SULF2: variants seen among roughly 807,000 people sequenced by gnomAD.
SULF2 encodes the protein extracellular sulfatase Sulf-2.
In SULF2, 52 loss-of-function variants were observed where a neutral mutation model predicts 107.7. The observed-to-expected ratio is 0.48, with a 90% confidence interval of 0.39 to 0.61. The LOEUF (loss-of-function observed/expected upper bound fraction) is 0.61, where lower values mean the gene tolerates loss of function less well. Ranked by LOEUF, SULF2 falls within the 20% of genes least tolerant of loss-of-function variation. SULF2 has a pLI of 0.00. For missense variants in SULF2, 993 were observed against 1,177.3 expected (o/e 0.84, Z 2.29); for synonymous variants, 460 against 464.3 (o/e 0.99, Z 0.12).
intron 11 of SULF2, among the ~76,000 whole-genome samples, chr20:47,670,775 G>T (rs1197987597): frequency 4.7e-5 from 7 of 150,248 alleles, no homozygotes; most frequent in Admixed American, 4.6e-4. Context: ...TTTGCAAGAT[G>T]AAGAGTTCAT....
chr20:47,704,276 C>T (rs1311915484), intron 3 of SULF2, among the ~76,000 whole-genome samples: 2 of 121,604 alleles, frequency 1.6e-5, no homozygotes, highest in Admixed American at 8.6e-5. Context: ...TTTGCATGTA[C>T]ATTTTTTTTT....
chr20:47,684,355 G>T, intron 6 of SULF2, 76 bp downstream of exon 6: 1 of 1,460,420 alleles, frequency 6.8e-7, no homozygotes. Flanking sequence ...AACCCTGAAG[G>T]GCCAGGAGGT....
chr20:47,696,364 G>A (rs2088376113), intron 4 of SULF2, among the ~76,000 whole-genome samples: 2 of 151,670 alleles, frequency 1.3e-5, no homozygotes, highest in African/African-American at 4.9e-5. Flanking sequence ...ATAGTACAAA[G>A]GACAGTGAAG....
At chr20:47,731,191 T>TTTTTTTTTTTTTTTTATTTA (rs1568871819) in intron 3 of SULF2, among the ~76,000 whole-genome samples, 111 of 96,422 alleles carry the variant, frequency 1.2e-3, no homozygotes, top group African/African-American at 4.6e-3. Flanking sequence ...TCTTCTCTTT[T>TTTTTTTTTTTTTTTTATTTA]TTTTTTTTTT....
intron 1 of SULF2, among the ~76,000 whole-genome samples, chr20:47,767,069 T>C (rs138045422): frequency 3.3e-5 from 5 of 151,826 alleles, no homozygotes; most frequent in Non-Finnish European, 5.9e-5. Flanking sequence ...ACACGCTGAG[T>C]AGGAGGAGGG....
intron 3 of SULF2, among the ~76,000 whole-genome samples, chr20:47,705,545 A>G (rs79657362): frequency 0.015 from 2,286 of 152,264 alleles, 51 homozygotes; most frequent in South Asian, 0.052. Flanking sequence ...AATGTTGGAG[A>G]TGCCTCAATG....
chr20:47,780,509 C>T (rs2090811054), intron 1 of SULF2, among the ~76,000 whole-genome samples: 2 of 152,178 alleles, frequency 1.3e-5, no homozygotes, highest in African/African-American at 4.8e-5. Context: ...CCCTGACAGC[C>T]TGCCTAAAGT....
intron 1 of SULF2, among the ~76,000 whole-genome samples, chr20:47,770,096 T>C (rs2090603009): frequency 7.1e-6 from 1 of 139,964 alleles, no homozygotes; most frequent in Non-Finnish European, 1.5e-5. Context: ...AGTCCTGCTC[T>C]GTCGCCCAGG....
chr20:47,772,022 G>A (rs2090640689), intron 1 of SULF2, among the ~76,000 whole-genome samples: 1 of 152,250 alleles, frequency 6.6e-6, no homozygotes, highest in Non-Finnish European at 1.5e-5. Flanking sequence ...TGACAGGGCT[G>A]ATCGTTAACC....
Position 47,742,697 on chromosome 20 carries a change from C to G in SULF2, c.176-5755G>C, listed in dbSNP as rs148076335. Among the ~76,000 whole-genome samples, 3 of 152,188 alleles carry G rather than the reference C, an allele frequency of 2.0e-5. No homozygotes were observed. In the South Asian group the frequency reaches 6.2e-4, roughly 32 times the overall value. ...CTTTAATCTCAATCCAAGTTAACTA[C>G]GTCGAGTTAGAGAATTAAGGTGTGA... On this transcript the variant is annotated intron_variant, in intron 2 of 20. Coordinates refer to ENST00000688720, the MANE Select transcript of SULF2 (RefSeq NM_001387048.1).
intron 1 of SULF2, among the ~76,000 whole-genome samples, chr20:47,785,120 G>C (rs1011129715): frequency 6.6e-6 from 1 of 151,878 alleles, no homozygotes; most frequent in Non-Finnish European, 1.5e-5. Context: ...GGTCAAACAG[G>C]TCATCCCTCT....
In SULF2 at chr20:47,687,321, G is replaced by A. The variant is rs527984413; in HGVS notation, c.738-2740C>T. 7.2e-5 allele frequency among the ~76,000 whole-genome samples: 11 copies of A among 152,272 alleles called. No individual in the cohort carries two copies. The South Asian group carries it at 2.3e-3, about 32-fold the overall frequency. ...GCCAGGCTCCCCCAGGGAGGATGTCGGCATCTTCCCATGGGCCCAGCTGCC... is the reference window on the plus strand; with the variant it reads ...GCCAGGCTCCCCCAGGGAGGATGTCAGCATCTTCCCATGGGCCCAGCTGCC... On this transcript the variant is annotated intron_variant, in intron 5 of 20. Coordinates refer to ENST00000688720, the MANE Select transcript of SULF2 (RefSeq NM_001387048.1).
chr20:47,744,583 T>C (rs2089963364), intron 2 of SULF2, among the ~76,000 whole-genome samples: 1 of 152,050 alleles, frequency 6.6e-6, no homozygotes. Flanking sequence ...GGGCACACAG[T>C]GGGCTTTCTA....
intron 2 of SULF2, among the ~76,000 whole-genome samples, chr20:47,753,943 A>G (rs1233966641): frequency 6.6e-6 from 1 of 152,232 alleles, no homozygotes; most frequent in Non-Finnish European, 1.5e-5. Context: ...CGTTGGTCTC[A>G]GAGGGCCATT....
chr20:47,714,142 C>G (rs561268934), intron 3 of SULF2, among the ~76,000 whole-genome samples: 1 of 152,228 alleles, frequency 6.6e-6, no homozygotes, highest in African/African-American at 2.4e-5. Context: ...CGCGCCATTT[C>G]GCAGGCACGG....
At chr20:47,780,034 T>G (rs542501702) in intron 1 of SULF2, among the ~76,000 whole-genome samples, 10 of 147,608 alleles carry the variant, frequency 6.8e-5, no homozygotes, top group African/African-American at 2.5e-4. Flanking sequence ...TTTTTTTTTT[T>G]GAGACAGAGT....
At chr20:47,729,745 TGGCCAGGAGGCAGAGG>T (rs1453675365) in intron 3 of SULF2, among the ~76,000 whole-genome samples, 1 of 151,992 alleles carries the variant, frequency 6.6e-6, no homozygotes, top group Non-Finnish European at 1.5e-5. Context: ...TCTGGGGCGA[TGGCCAGGAGGCAGAGG>T]GGCCAGGGTG....
At chr20:47,786,309 G>A (rs1289854609), upstream of SULF2, 1 of 152,172 alleles carries the variant, frequency 6.6e-6, no homozygotes, top group Non-Finnish European at 1.5e-5. Flanking sequence ...GGAGCTGGAG[G>A]GAGCCAAATG....
At position 47,663,494 on chromosome 20, in the gene SULF2, G is replaced by A. The variant is rs2146395064; in HGVS notation, c.2186C>T (p.Thr729Ile). 1.2e-6 allele frequency: 2 copies of A among 1,611,610 alleles called. No individual in the cohort carries two copies. Among genetic ancestry groups the A allele is most frequent in the South Asian group, 2.2e-5 (2 of 91,086 alleles). Residue 729 changes from threonine to isoleucine, a missense_variant, in exon 16 of 21, where the codon ACC (threonine) becomes ATC (isoleucine). Around this residue, in one of 3 missense-constraint regions of SULF2, gnomAD observed 497 missense variants for 544.1 expected, o/e 0.91. Coordinates refer to ENST00000688720, the MANE Select transcript of SULF2 (RefSeq NM_001387048.1). ...TCSMPGLTCF[T>I]HDNQHWQTAP... is the part of the protein sequence containing the mutation. ...CGTCTGCCAGTGCTGGTTGTCGTGG[G>A]TGAAGCACGTGAGGCCTGGCATGCT...
Sources: gnomAD v4.1 joint callset for allele counts (sites outside exome capture counted in the v4.1 genomes callset) on GRCh38, gnomAD v4.1.1 for gene constraint, gnomAD v4.1.1 regional missense constraint, MANE v1.5 for transcripts, NCBI Gene and HGNC (gene_info 2026-07-23, HGNC 2026-07-21) for gene names.